NEK8: variants seen among roughly 807,000 people sequenced by gnomAD.
NEK8 encodes NIMA related kinase 8, also known as serine/threonine-protein kinase Nek8.
Under a neutral mutation model 77.2 loss-of-function variants are expected in NEK8, and 51 were observed. That is an observed-to-expected ratio of 0.66 (90% CI 0.53 to 0.83). The LOEUF is 0.83. Ranked by LOEUF, NEK8 falls within the 40% of genes least tolerant of loss-of-function variation. NEK8 has a pLI of 0.00. For missense variants in NEK8, 787 were observed against 909.2 expected (o/e 0.87, Z 1.73); for synonymous variants, 365 against 363.2 (o/e 1.00, Z -0.06).
At chr17:28,735,127 A>C in intron 3 of NEK8, 113 bp from the exon 4 acceptor site, 4 of 1,552,914 alleles carry the variant, frequency 2.6e-6, no homozygotes, top group Non-Finnish European at 3.5e-6. Flanking sequence ...GTGGTTCTGC[A>C]GGAGGAAGCC....
In NEK8 at chr17:28,733,987, G is replaced by T; in HGVS notation, c.52G>T (p.Val18Leu). 6.2e-7 allele frequency: 1 copy of T among 1,614,116 alleles called. No homozygotes were observed. The highest frequency in any genetic ancestry group is 1.1e-5 in the South Asian group (1 of 91,082). Reference sequence around the variant, plus strand: ...CCCTGTCCTCCGTATCCCTAGGATTGTGCACCTGTGCCTGCGAAAGGCTGA... The same window carrying T: ...CCCTGTCCTCCGTATCCCTAGGATTTTGCACCTGTGCCTGCGAAAGGCTGA... ...RVVGRGAFGI[V>L]HLCLRKADQK... Residue 18 changes from valine to leucine, a missense_variant, in exon 2 of 15, where the codon GTG becomes TTG. Coordinates refer to ENST00000268766, the MANE Select transcript of NEK8 (RefSeq NM_178170.3).
rs778597890 is a variant in NEK8, at chr17:28,741,955, C to T, written c.2051-4C>T. On this transcript the variant is annotated splice_polypyrimidine_tract_variant and splice_region_variant and intron_variant, in intron 14 of 14. Transcript: ENST00000268766. The surrounding 1 kb of genome is among the most constrained non-coding windows in gnomAD (Gnocchi z 4.5). ...TGCAAGGGTTTCTCTTCGGTACCCT[C>T]CAGCGGTCACAGATGAGCCGGTCCC... is the stretch of plus-strand genomic sequence containing the variant. 3.1e-6 allele frequency: 5 copies of T among 1,613,992 alleles called. No homozygotes were observed. The highest frequency in any genetic ancestry group is 1.7e-5 in the Admixed American group (1 of 59,998).
At chr17:28,736,170 A>G (rs1240619127) in intron 4 of NEK8, among the ~76,000 whole-genome samples, 2 of 152,036 alleles carry the variant, frequency 1.3e-5, no homozygotes, top group Non-Finnish European at 2.9e-5. Flanking sequence ...TAATCCATCT[A>G]TCATTGTTGG....
In NEK8 at chr17:28,738,086, C is replaced by T. The variant is rs2034384781; in HGVS notation, c.1072-9C>T. On this transcript the variant is annotated splice_polypyrimidine_tract_variant and intron_variant, in intron 7 of 14. Coordinates refer to ENST00000268766, the MANE Select transcript of NEK8 (RefSeq NM_178170.3). Reference sequence around the variant, plus strand: ...TGCTCAGGCGCTGCCCATCCCCCTGCCCCTGCAGGCCCCACCCCTAGGTGC... The same window carrying T: ...TGCTCAGGCGCTGCCCATCCCCCTGTCCCTGCAGGCCCCACCCCTAGGTGC... The T allele has an allele frequency of 1.9e-6, 3 of 1,612,906 alleles. No individual in the cohort carries two copies. Among genetic ancestry groups the T allele is most frequent in the Admixed American group, 1.7e-5 (1 of 59,806 alleles).
rs1264776962 is a variant in NEK8 at position 28,730,119 on chromosome 17, G to GT, written c.47+1264dup. Among the ~76,000 whole-genome samples the GT allele has an allele frequency of 2.0e-5, 3 of 152,106 alleles. No individual in the cohort carries two copies. The East Asian group carries it at 5.8e-4, about 29-fold the overall frequency. Reference sequence around the variant, plus strand: ...CCACAAACGGTTTTGTTTTGTTTTTGTTTTTGTTTTTGAGACGGAGTCTTG... The same window carrying GT: ...CCACAAACGGTTTTGTTTTGTTTTTGTTTTTTGTTTTTGAGACGGAGTCTTG... On this transcript the variant is annotated intron_variant, in intron 1 of 14. Transcript: ENST00000268766.
chr17:28,738,208 C>T lies in NEK8; in HGVS notation c.1185C>T (p.His395=), dbSNP rs574347342. Residue 395 remains histidine (H), a synonymous_variant, in exon 8 of 15, where the codon CAC becomes CAT. Transcript: ENST00000268766. Reference sequence around the variant, plus strand: ...GCCAGTCGGGTGTGACCATCAAGCACGTGGCCTGTGGGGACTTCTTCACTG... The same window carrying T: ...GCCAGTCGGGTGTGACCATCAAGCATGTGGCCTGTGGGGACTTCTTCACTG... The part of the protein sequence containing the change: ...LEGQSGVTIK[H]VACGDFFTAC... 25 of 1,614,198 alleles carry T rather than the reference C, an allele frequency of 1.5e-5. No homozygotes were observed. Among genetic ancestry groups the T allele is most frequent in the African/African-American group, 2.7e-5 (2 of 75,052 alleles).
rs762090303 is a variant in NEK8, at chr17:28,737,720, C to T, written c.873C>T (p.Thr291=). ...VAPSNTGSRT[T]SVRCRGIPRG... is the part of the protein sequence containing the mutation. Reference sequence around the variant, plus strand: ...CCAGCAACACAGGGAGCAGGACCACCAGTGTCCGCTGCAGAGGTAAGTGGG... The same window carrying T: ...CCAGCAACACAGGGAGCAGGACCACTAGTGTCCGCTGCAGAGGTAAGTGGG... The change falls in exon 6 of 15, where the codon ACC becomes ACT. Residue 291 remains threonine, a synonymous_variant. Transcript: ENST00000268766. This position sits in a 1 kb window ranked among gnomAD's most constrained non-coding sequence, Gnocchi z 4.8. 4.3e-6 allele frequency: 7 copies of T among 1,614,048 alleles called. No individual in the cohort carries two copies. The African/African-American group carries it at 8.0e-5, about 18-fold the overall frequency.
At chr17:28,732,906 C>G (rs2034324867) in intron 1 of NEK8, 1 of 152,076 alleles carries the variant, frequency 6.6e-6, no homozygotes, top group Non-Finnish European at 1.5e-5. Context: ...GACCATCTCA[C>G]TTGGTCACCC....
At chr17:28,733,944 G>A (rs967718734) in intron 1 of NEK8, 39 bp from the exon 2 acceptor site, 4 of 1,581,674 alleles carry the variant, frequency 2.5e-6, no homozygotes, top group Non-Finnish European at 3.5e-6. Flanking sequence ...GTGGCTGGAG[G>A]CTTAGCTGGT....
rs768900469 is a variant in NEK8 at position 28,741,519 on chromosome 17, C to T, written c.1998C>T (p.Tyr666=). ...RPVQLDETHP[Y]TVTSVSCCHG... ...TGCAGTTGGATGAGACACACCCTTA[C>T]ACGGTGACTTCCGTGTCCTGTTGCC... The change falls in exon 14 of 15, where the codon TAC becomes TAT. Residue 666 remains tyrosine (Y), a synonymous_variant. Transcript: ENST00000268766. The surrounding 1 kb of genome is among the most constrained non-coding windows in gnomAD (Gnocchi z 4.5). 3 of 1,614,162 alleles carry T rather than the reference C, an allele frequency of 1.9e-6. No homozygotes were observed. The highest frequency in any genetic ancestry group is 3.3e-5 in the Admixed American group (2 of 60,026).
Position 28,737,336 on chromosome 17 carries a change from A to T in NEK8, c.649A>T (p.Ser217Cys). Residue 217 changes from serine to cysteine, a missense_variant, in exon 5 of 15, where the codon AGT becomes TGT. Ser to Cys is a moderately radical substitution (Grantham distance 112). Transcript: ENST00000268766. This position sits in a 1 kb window ranked among gnomAD's most constrained non-coding sequence, Gnocchi z 4.8. ...GCCAGCACTGGTGCTGAAGATCATG[A>T]GTGGCACCTTTGCACCTATCTCTGA... ...NLPALVLKIMSGTFAPISDRY... is the reference protein window; with the variant it reads ...NLPALVLKIMCGTFAPISDRY... 1 of 1,613,768 alleles carries T rather than the reference A, an allele frequency of 6.2e-7. No homozygotes were observed. Among genetic ancestry groups the T allele is most frequent in the South Asian group, 1.1e-5 (1 of 91,034 alleles).
chr17:28,742,316 G>T lies in NEK8; in HGVS notation c.*329G>T. Reference sequence around the variant, plus strand: ...TGCCATAAAAAGGCTGAAGGCAGCCGGGCGCAGTGGCTCACGCCTGTAATC... The same window carrying T: ...TGCCATAAAAAGGCTGAAGGCAGCCTGGCGCAGTGGCTCACGCCTGTAATC... On this transcript the variant is annotated 3_prime_UTR_variant, in exon 15 of 15. Transcript: ENST00000268766. 1 of 455,064 alleles carries T rather than the reference G, an allele frequency of 2.2e-6. No homozygotes were observed. Among genetic ancestry groups the T allele is most frequent in the Non-Finnish European group, 4.1e-6 (1 of 245,366 alleles). 28.2% of individuals were successfully genotyped at this position (455,064 alleles called of 1,614,324 possible).
chr17:28,733,182 A>G (rs898855579), intron 1 of NEK8, among the ~76,000 whole-genome samples: 7 of 151,966 alleles, frequency 4.6e-5, no homozygotes, highest in Middle Eastern at 3.4e-3. Context: ...GCCCTGCCTC[A>G]GGTTTCTGAT....
chr17:28,733,834 C>G, intron 1 of NEK8, 149 bp from the exon 2 acceptor site: 1 of 714,926 alleles, frequency 1.4e-6, no homozygotes, highest in Non-Finnish European at 2.5e-6. Flanking sequence ...TCTCCCTGTT[C>G]CCAAGTTCAG....
rs770284675 is a variant in NEK8, at chr17:28,739,168, C to A, written c.1384C>A (p.Arg462=). 1.2e-6 allele frequency: 2 copies of A among 1,614,014 alleles called. No individual in the cohort carries two copies. The highest frequency in any genetic ancestry group is 2.2e-5 in the East Asian group (1 of 44,886). Residue 462 remains arginine, a synonymous_variant, in exon 10 of 15, where the codon CGA becomes AGA. Coordinates refer to ENST00000268766, the MANE Select transcript of NEK8 (RefSeq NM_178170.3). Reference sequence around the variant, plus strand: ...TCACGTGCTGGCCCTGTCCACTGAGCGAGAACTATTTGCCTGGGGCCGTGG... The same window carrying A: ...TCACGTGCTGGCCCTGTCCACTGAGAGAGAACTATTTGCCTGGGGCCGTGG... ...ASHVLALSTE[R]ELFAWGRGDS...
In NEK8 at chr17:28,734,114, AC is replaced by A; in HGVS notation, c.183del (p.Asn62MetfsTer16). On this transcript the variant is annotated frameshift_variant, in exon 2 of 15. Transcript: ENST00000268766. LOFTEE classifies it high-confidence loss of function. Reference protein sequence around the residue: ...NECQVLKLLNHPNVIEYYENF... With the variant: ...NECQVLKLLNXPNVIEYYENF... Reference sequence around the variant, plus strand: ...TGCCAGGTCCTCAAGCTGCTCAACCACCCCAATGTCATTGAGTACTACGAGA... The same window carrying A: ...TGCCAGGTCCTCAAGCTGCTCAACCACCCAATGTCATTGAGTACTACGAGA... 1 of 1,613,946 alleles carries A rather than the reference AC, an allele frequency of 6.2e-7. No individual in the cohort carries two copies. The highest frequency in any genetic ancestry group is 2.2e-5 in the East Asian group (1 of 44,870).
rs1417928812 is a variant in NEK8, at chr17:28,738,012, A to C, written c.1071+12A>C. ...TCATCCTGTGGGAGGTGAGCAGGCC[A>C]GGGGGTGGCCTGGATGGGTGGAGGT... is the stretch of plus-strand genomic sequence containing the variant. On this transcript the variant is annotated intron_variant, in intron 7 of 14. Transcript: ENST00000268766. 1.2e-6 allele frequency: 2 copies of C among 1,612,584 alleles called. No homozygotes were observed. The highest frequency in any genetic ancestry group is 1.1e-5 in the South Asian group (1 of 91,042).
chr17:28,728,932 C>T (rs2034277725), intron 1 of NEK8, 72 bp downstream of exon 1: 3 of 1,353,134 alleles, frequency 2.2e-6, no homozygotes, highest in Non-Finnish European at 3.1e-6. Context: ...CCCGCGAAGT[C>T]GCCGCCCGCC....
At chr17:28,731,153 C>G (rs1203186669) in intron 1 of NEK8, among the ~76,000 whole-genome samples, 2 of 152,110 alleles carry the variant, frequency 1.3e-5, no homozygotes, top group East Asian at 3.9e-4. Flanking sequence ...AGGAGAATCG[C>G]TTGAACCTGG....
Sources: gnomAD v4.1 joint callset for allele counts (sites outside exome capture counted in the v4.1 genomes callset) on GRCh38, gnomAD v4.1.1 for gene constraint, Gnocchi (gnomAD v3.1) non-coding constraint, MANE v1.5 for transcripts, NCBI Gene and HGNC (gene_info 2026-07-23, HGNC 2026-07-21) for gene names.